Variants in PCDH17 observed in about 807,000 individuals in gnomAD.
PCDH17 encodes the protein protocadherin-17.
Under a neutral mutation model 67.7 loss-of-function variants are expected in PCDH17, and 21 were observed. That is an observed-to-expected ratio of 0.31 (90% CI 0.22 to 0.45). PCDH17 has a LOEUF of 0.45. Among genes scored for constraint, PCDH17 ranks in the 20% least tolerant of loss-of-function variants. PCDH17 has a pLI of 1.00. For synonymous variants in PCDH17, 701 were observed against 656.7 expected, an observed-to-expected ratio of 1.07 and a Z score of -1.03; for missense variants, 1,471 against 1,564.8, an observed-to-expected ratio of 0.94 and a Z score of 1.01.
upstream of PCDH17, among the ~76,000 whole-genome samples, chr13:57,631,257 C>A (rs533662831): frequency 1.0e-3 from 158 of 152,164 alleles, 1 homozygote; most frequent in Non-Finnish European, 2.0e-3. Flanking sequence ...GAAGGAGATG[C>A]TGAATAGAAA....
intron 3 of PCDH17, among the ~76,000 whole-genome samples, chr13:57,698,173 T>C (rs1955628953): frequency 1.3e-5 from 2 of 151,462 alleles, no homozygotes; most frequent in Admixed American, 6.6e-5. Flanking sequence ...ATTGATTAAA[T>C]TGATTCATTT....
chr13:57,633,784 A>T lies in PCDH17; in HGVS notation c.1238A>T (p.Lys413Met). Residue 413 changes from lysine to methionine, a missense_variant, in exon 1 of 4, where the codon AAG (lysine) becomes ATG (methionine). Physicochemically the swap from Lys to Met is moderately conservative, Grantham distance 95 (BLOSUM62 -1). Coordinates refer to ENST00000377918, the MANE Select transcript of PCDH17 (RefSeq NM_001040429.3). The surrounding 1 kb of genome is among the most constrained non-coding windows in gnomAD (Gnocchi z 6.2). ...LGGPGGSVPF[K>M]LEENYDNFYT... ...GGGCCCGGGGGTTCCGTCCCCTTCAAGCTTGAGGAGAACTACGACAACTTC... is the reference window on the plus strand; with the variant it reads ...GGGCCCGGGGGTTCCGTCCCCTTCATGCTTGAGGAGAACTACGACAACTTC... 1.9e-6 allele frequency: 3 copies of T among 1,604,602 alleles called. No homozygotes were observed. The highest frequency in any genetic ancestry group is 2.5e-6 in the Non-Finnish European group (3 of 1,178,146).
rs1321854393 is a variant in PCDH17 at position 57,727,395 on chromosome 13, AAAAC to A, written c.*2107_*2110del. 1 of 152,600 alleles carries A rather than the reference AAAAC, an allele frequency of 6.6e-6. No individual in the cohort carries two copies. The highest frequency in any genetic ancestry group is 1.5e-5 in the Non-Finnish European group (1 of 68,028). 9.5% of individuals were successfully genotyped at this position (152,600 alleles called of 1,614,324 possible). ...TATATTTAAAACAAAAACAAAAGCA[AAAAC>A]AAACATTGAATTAAATTAAGTTTTG... On this transcript the variant is annotated 3_prime_UTR_variant, in exon 4 of 4. Coordinates refer to ENST00000377918, the MANE Select transcript of PCDH17 (RefSeq NM_001040429.3).
chr13:57,715,017 T>G (rs1955806008), intron 3 of PCDH17, among the ~76,000 whole-genome samples: 1 of 151,840 alleles, frequency 6.6e-6, no homozygotes, highest in Non-Finnish European at 1.5e-5. Flanking sequence ...TTTCCAAAAT[T>G]TCCTAAAGGG....
intron 3 of PCDH17, among the ~76,000 whole-genome samples, chr13:57,696,382 AT>A (rs1318980850): frequency 6.6e-6 from 1 of 151,390 alleles, no homozygotes; most frequent in Non-Finnish European, 1.5e-5. Flanking sequence ...TTTCGTGTAA[AT>A]TAATTATGTT....
chr13:57,709,672 T>C (rs932458231), intron 3 of PCDH17: 2 of 152,308 alleles, frequency 1.3e-5, no homozygotes, highest in African/African-American at 4.8e-5. Context: ...TTTCAAGCAT[T>C]CCCGACTTTG....
rs116778354 is a variant in PCDH17 at position 57,640,713 on chromosome 13, T to C, written c.2565+5602T>C. Among the ~76,000 whole-genome samples, 223 of 152,084 alleles carry C rather than the reference T, an allele frequency of 1.5e-3. 2 individuals carry two copies. Among genetic ancestry groups the C allele is most frequent in the African/African-American group, 5.3e-3 (221 of 41,530 alleles). On this transcript the variant is annotated intron_variant, in intron 1 of 3. Coordinates refer to ENST00000377918, the MANE Select transcript of PCDH17 (RefSeq NM_001040429.3). The stretch of plus-strand genomic sequence containing the variant: ...CAAGTTCCTGATTCTTTTGAGAAGA[T>C]GGCAGGAGAGCTGGAAGCATGTGAG...
At chr13:57,724,543 C>A in intron 3 of PCDH17, 69 bp from the exon 4 acceptor site, 1 of 1,307,784 alleles carries the variant, frequency 7.6e-7, no homozygotes, top group Non-Finnish European at 1.1e-6. Flanking sequence ...GAGAGCTGAT[C>A]ACAGCCTCTG....
At chr13:57,674,487 G>A (rs1253771481) in intron 3 of PCDH17, among the ~76,000 whole-genome samples, 1 of 151,582 alleles carries the variant, frequency 6.6e-6, no homozygotes, top group African/African-American at 2.4e-5. Context: ...ACTATACCTG[G>A]CTAATTTTTC....
rs189297355 is a variant in PCDH17, at chr13:57,643,724, T to C, written c.2565+8613T>C. Among the ~76,000 whole-genome samples the C allele has an allele frequency of 7.2e-5, 11 of 151,836 alleles. No homozygotes were observed. The East Asian group carries it at 2.1e-3, about 29-fold the overall frequency. On this transcript the variant is annotated intron_variant, in intron 1 of 3. Coordinates refer to ENST00000377918, the MANE Select transcript of PCDH17 (RefSeq NM_001040429.3). ...CATTGTGGTAATATTAAGGATTCCATACAAACTTACCTTCCCATTGTTTCA... is the reference window on the plus strand; with the variant it reads ...CATTGTGGTAATATTAAGGATTCCACACAAACTTACCTTCCCATTGTTTCA...
At position 57,635,092 on chromosome 13, in the gene PCDH17, C is replaced by T; in HGVS notation, c.2546C>T (p.Thr849Ile). The T allele has an allele frequency of 1.2e-6, 2 of 1,613,412 alleles. No individual in the cohort carries two copies. The highest frequency in any genetic ancestry group is 1.7e-6 in the Non-Finnish European group (2 of 1,179,966). ...ACTAATGCAAGCGAGACCCCTGCCA[C>T]TCGGATGTCCATAATTCAGGTAGGA... ...QGTNASETPA[T>I]RMSIIQTDNF... The change falls in exon 1 of 4, where the codon ACT (threonine) becomes ATT (isoleucine). Residue 849 changes from threonine (T) to isoleucine (I), a missense_variant. By Grantham distance (89) the Thr-to-Ile change is moderately conservative. Transcript: ENST00000377918.
chr13:57,713,066 C>T (rs542620038), intron 3 of PCDH17, among the ~76,000 whole-genome samples: 5 of 151,652 alleles, frequency 3.3e-5, no homozygotes, highest in African/African-American at 1.2e-4. Context: ...TAGCCCTCTC[C>T]AGTAGCTTTT....
intron 1 of PCDH17, among the ~76,000 whole-genome samples, chr13:57,652,122 C>CA (rs1555283507): frequency 2.7e-5 from 4 of 150,644 alleles, no homozygotes; most frequent in East Asian, 2.0e-4. Flanking sequence ...ACTAAAAATA[C>CA]AAAAAATTAG....
In PCDH17 at chr13:57,634,809, G is replaced by C. The variant is rs763499538; in HGVS notation, c.2263G>C (p.Gly755Arg). Reference protein sequence around the residue: ...AEYSHPQLGGGKGKKKKINKN... With the variant: ...AEYSHPQLGGRKGKKKKINKN... The stretch of plus-strand genomic sequence containing the variant: ...GTACAGCCACCCGCAGCTGGGTGGG[G>C]GCAAGGGCAAGAAGAAGAAGATCAA... Residue 755 changes from glycine (G) to arginine (R), a missense_variant, in exon 1 of 4, where the codon GGC (glycine) becomes CGC (arginine). Gly to Arg is a moderately radical substitution (Grantham distance 125). Coordinates refer to ENST00000377918, the MANE Select transcript of PCDH17 (RefSeq NM_001040429.3). This position sits in a 1 kb window ranked among gnomAD's most constrained non-coding sequence, Gnocchi z 7.8. The C allele has an allele frequency of 6.2e-7, 1 of 1,614,094 alleles. No individual in the cohort carries two copies. The highest frequency in any genetic ancestry group is 1.1e-5 in the South Asian group (1 of 91,078).
intron 3 of PCDH17, among the ~76,000 whole-genome samples, chr13:57,702,413 A>G (rs1298693972): frequency 6.6e-6 from 1 of 151,988 alleles, no homozygotes; most frequent in Non-Finnish European, 1.5e-5. Flanking sequence ...TAGCCCCCAC[A>G]GAAGCCCTGT....
chr13:57,645,700 A>G (rs1004692567), intron 1 of PCDH17, among the ~76,000 whole-genome samples: 39 of 150,912 alleles, frequency 2.6e-4, no homozygotes, highest in Admixed American at 3.3e-4. Flanking sequence ...TGTATATGGT[A>G]TATATAATAT....
chr13:57,659,044 A>AT (rs1566224885), intron 1 of PCDH17, among the ~76,000 whole-genome samples: 3 of 151,786 alleles, frequency 2.0e-5, no homozygotes, highest in Non-Finnish European at 4.4e-5. Flanking sequence ...TGAATATCTC[A>AT]TGACTCTATC....
Position 57,634,679 on chromosome 13 carries a change from T to G in PCDH17, c.2133T>G (p.Thr711=). The G allele has an allele frequency of 5.6e-6, 9 of 1,613,712 alleles. No homozygotes were observed. Among genetic ancestry groups the G allele is most frequent in the Non-Finnish European group, 7.6e-6 (9 of 1,179,998 alleles). ...HWDMSLPLIV[T]LSTISIILLA... ...ACATGTCGCTGCCGCTCATCGTGAC[T>G]CTGAGCACTATCTCCATCATCCTCC... The change falls in exon 1 of 4, where the codon ACT becomes ACG. Residue 711 remains threonine, a synonymous_variant. Transcript: ENST00000377918. The surrounding 1 kb of genome is among the most constrained non-coding windows in gnomAD (Gnocchi z 7.8).
chr13:57,670,041 T>C (rs946179276), intron 3 of PCDH17, among the ~76,000 whole-genome samples: 2 of 152,080 alleles, frequency 1.3e-5, no homozygotes, highest in African/African-American at 4.8e-5. Context: ...ATTAAGTAAC[T>C]ATTAAGCAAC....
Sources: allele counts gnomAD v4.1 joint callset (sites outside exome capture counted in the v4.1 genomes callset), GRCh38; gene constraint gnomAD v4.1.1; non-coding constraint Gnocchi (gnomAD v3.1); transcripts MANE v1.5; gene names NCBI Gene and HGNC (gene_info 2026-07-23, HGNC 2026-07-21).